Variants in GRM8 observed in about 807,000 individuals in gnomAD.
The protein encoded by GRM8 is glutamate metabotropic receptor 8, also known as metabotropic glutamate receptor 8.
Under a neutral mutation model 87.2 loss-of-function variants are expected in GRM8, and 47 were observed. That is an observed-to-expected ratio of 0.54 (90% CI 0.43 to 0.69). The LOEUF (loss-of-function observed/expected upper bound fraction) is 0.69. Among genes scored for constraint, GRM8 ranks in the 30% least tolerant of loss-of-function variants. The pLI is 0.00. For missense variants in GRM8, 1,019 were observed against 1,139.2 expected (o/e 0.89, Z 1.52); for synonymous variants, 396 against 404.5 (o/e 0.98, Z 0.25).
At chr7:127,022,409 T>C (rs565298235) in intron 3 of GRM8, among the ~76,000 whole-genome samples, 2 of 152,048 alleles carry the variant, frequency 1.3e-5, no homozygotes, top group Non-Finnish European at 2.9e-5. Flanking sequence ...AGACAAAATA[T>C]TATTTTTTTA....
chr7:127,154,246 T>C (rs1461264086), intron 2 of GRM8, among the ~76,000 whole-genome samples: 1 of 152,160 alleles, frequency 6.6e-6, no homozygotes, highest in Non-Finnish European at 1.5e-5. Flanking sequence ...CGCCTAGCTC[T>C]CTTGCTCAGG....
intron 9 of GRM8, among the ~76,000 whole-genome samples, chr7:126,464,702 C>G (rs1037601861): frequency 6.6e-6 from 1 of 151,538 alleles, no homozygotes; most frequent in Non-Finnish European, 1.5e-5. Flanking sequence ...AGACTGATGA[C>G]AGCTATTATT....
intron 2 of GRM8, among the ~76,000 whole-genome samples, chr7:127,126,013 T>A (rs1827350486): frequency 6.6e-6 from 1 of 151,822 alleles, no homozygotes; most frequent in East Asian, 1.9e-4. Context: ...AGGGAATGCT[T>A]TATACTGTTG....
chr7:126,777,940 CTAAAG>C (rs2151630783), intron 6 of GRM8, among the ~76,000 whole-genome samples: 1 of 152,192 alleles, frequency 6.6e-6, no homozygotes, highest in East Asian at 1.9e-4. Context: ...ATAAAAATGA[CTAAAG>C]TATTTTAGTC....
intron 9 of GRM8, among the ~76,000 whole-genome samples, chr7:126,526,450 G>A (rs1296102072): frequency 1.3e-5 from 2 of 152,092 alleles, no homozygotes; most frequent in African/African-American, 2.4e-5. Context: ...ATATCCAGTG[G>A]TCTAGTTGCA....
intron 7 of GRM8, among the ~76,000 whole-genome samples, chr7:126,744,246 T>C (rs1388970038): frequency 6.6e-6 from 1 of 152,058 alleles, no homozygotes; most frequent in Non-Finnish European, 1.5e-5. Flanking sequence ...GCATGTTTTT[T>C]CTTGAAGAAA....
intron 3 of GRM8, among the ~76,000 whole-genome samples, chr7:127,047,643 A>G (rs1386143998): frequency 1.3e-5 from 2 of 152,090 alleles, no homozygotes; most frequent in Non-Finnish European, 2.9e-5. Flanking sequence ...CAGCCTGAAC[A>G]ACATAGTGAA....
intron 7 of GRM8, among the ~76,000 whole-genome samples, chr7:126,736,611 T>G (rs1239267881): frequency 6.6e-6 from 1 of 152,064 alleles, no homozygotes; most frequent in African/African-American, 2.4e-5. Context: ...ATTTCTAACC[T>G]TTGCTACTGT....
intron 2 of GRM8, among the ~76,000 whole-genome samples, chr7:127,236,369 TA>T (rs1011277379): frequency 2.0e-5 from 3 of 152,248 alleles, no homozygotes; most frequent in African/African-American, 7.2e-5. Flanking sequence ...GGGTAATTTA[TA>T]AACGAAAGAG....
intron 3 of GRM8, among the ~76,000 whole-genome samples, chr7:127,006,959 T>C (rs1814380503): frequency 1.3e-5 from 2 of 152,016 alleles, no homozygotes; most frequent in South Asian, 4.2e-4. Context: ...CTTTCCTTCT[T>C]TCTTAGTAAC....
At chr7:126,681,489 C>A (rs1807577959) in intron 7 of GRM8, among the ~76,000 whole-genome samples, 1 of 152,186 alleles carries the variant, frequency 6.6e-6, no homozygotes, top group Admixed American at 6.5e-5. Context: ...CATAAGATTG[C>A]AAACCAGACA....
intron 2 of GRM8, among the ~76,000 whole-genome samples, chr7:127,191,296 G>A (rs1033786244): frequency 5.3e-5 from 8 of 152,114 alleles, no homozygotes; most frequent in Admixed American, 3.3e-4. Context: ...AAAAGTCAGA[G>A]TCTCTATTTC....
At chr7:127,200,212 A>G (rs1286206656) in intron 2 of GRM8, among the ~76,000 whole-genome samples, 1 of 152,184 alleles carries the variant, frequency 6.6e-6, no homozygotes, top group African/African-American at 2.4e-5. Context: ...TAGCAAAGGG[A>G]TGGGATTGAC....
intron 7 of GRM8, among the ~76,000 whole-genome samples, chr7:126,689,650 C>T (rs970585361): frequency 4.0e-5 from 6 of 151,890 alleles, no homozygotes; most frequent in Non-Finnish European, 4.4e-5. Context: ...AAGAGATTTG[C>T]GGAATGAGAG....
chr7:127,199,440 T>C (rs999931005), intron 2 of GRM8, among the ~76,000 whole-genome samples: 1 of 152,264 alleles, frequency 6.6e-6, no homozygotes, highest in African/African-American at 2.4e-5. Flanking sequence ...TGTGACTAGT[T>C]AGTCCCTTCT....
At chr7:126,507,691 A>T (rs1464978163) in intron 9 of GRM8, among the ~76,000 whole-genome samples, 1 of 152,118 alleles carries the variant, frequency 6.6e-6, no homozygotes, top group East Asian at 1.9e-4. Context: ...ACATTAAAGT[A>T]TCAACTTCCC....
intron 7 of GRM8, among the ~76,000 whole-genome samples, chr7:126,695,438 G>T (rs1344375906): frequency 4.6e-5 from 7 of 152,074 alleles, no homozygotes; most frequent in Non-Finnish European, 1.5e-5. Context: ...TGAATTACAA[G>T]GAGTAGATGG....
chr7:126,660,491 T>C (rs1427150164), intron 7 of GRM8, among the ~76,000 whole-genome samples: 1 of 152,222 alleles, frequency 6.6e-6, no homozygotes, highest in Admixed American at 6.5e-5. Flanking sequence ...GTGCCAACAC[T>C]ATATTTTGAA....
At chr7:126,766,942 C>A (rs1818261705) in intron 7 of GRM8, among the ~76,000 whole-genome samples, 1 of 152,146 alleles carries the variant, frequency 6.6e-6, no homozygotes, top group Admixed American at 6.6e-5. Context: ...GCTATTAAAT[C>A]CCTGCGAAGA....
Sources: allele counts gnomAD v4.1 joint callset (sites outside exome capture counted in the v4.1 genomes callset), GRCh38; gene constraint gnomAD v4.1.1; transcripts MANE v1.5; gene names NCBI Gene and HGNC (gene_info 2026-07-23, HGNC 2026-07-21).